ATF6: variants seen among roughly 807,000 people sequenced by gnomAD.
ATF6 encodes the protein activating transcription factor 6, also known as cyclic AMP-dependent transcription factor ATF-6 alpha.
In ATF6, 53 loss-of-function variants were observed where a neutral mutation model predicts 83.6. That is an observed-to-expected ratio of 0.63 (90% confidence interval 0.51 to 0.80). The LOEUF (loss-of-function observed/expected upper bound fraction) is 0.80, where lower values mean the gene tolerates loss of function less well. ATF6 is among the 30% of genes least tolerant of loss of function. ATF6 has a pLI of 0.00. For missense variants in ATF6, 744 were observed against 797.9 expected (o/e 0.93, Z 0.81); for synonymous variants, 288 against 285.8 (o/e 1.01, Z -0.08).
intron 6 of ATF6, among the ~76,000 whole-genome samples, chr1:161,799,330 C>G (rs1372354091): frequency 9.0e-4 from 137 of 152,274 alleles, no homozygotes; most frequent in Middle Eastern, 3.4e-3. Flanking sequence ...AATGCAGGAA[C>G]AGAAAACCAA....
At chr1:161,906,317 A>AC (rs1485149196) in intron 14 of ATF6, among the ~76,000 whole-genome samples, 1 of 152,180 alleles carries the variant, frequency 6.6e-6, no homozygotes, top group Non-Finnish European at 1.5e-5. Flanking sequence ...TTTGGATGCT[A>AC]CTGTCTTATC....
At chr1:161,833,586 G>A (rs1481794631) in intron 9 of ATF6, among the ~76,000 whole-genome samples, 3 of 152,170 alleles carry the variant, frequency 2.0e-5, no homozygotes, top group African/African-American at 7.2e-5. Context: ...TGAAAACCAT[G>A]GCACGAGAAC....
chr1:161,866,953 T>C (rs1177982984), intron 14 of ATF6, among the ~76,000 whole-genome samples: 1 of 152,134 alleles, frequency 6.6e-6, no homozygotes, highest in East Asian at 1.9e-4. Flanking sequence ...TCTCACTTTG[T>C]TGCCCAGGCT....
At chr1:161,805,161 G>C (rs1223811808) in intron 7 of ATF6, among the ~76,000 whole-genome samples, 1 of 151,360 alleles carries the variant, frequency 6.6e-6, no homozygotes, top group Non-Finnish European at 1.5e-5. Flanking sequence ...ATTCAGATGA[G>C]GTTAATTTTT....
rs924963896 is a variant in ATF6, at chr1:161,884,321, C to T, written c.1719+21009C>T. 3.3e-5 allele frequency among the ~76,000 whole-genome samples: 5 copies of T among 152,080 alleles called. 1 individual carries two copies. Among genetic ancestry groups the T allele is most frequent in the South Asian group, 4.2e-4 (2 of 4,816 alleles). ...AACACCTCTGCTTTAAGAAGATGAACGGTAGTGATAAATACAAAAACGTTA... is the reference window on the plus strand; with the variant it reads ...AACACCTCTGCTTTAAGAAGATGAATGGTAGTGATAAATACAAAAACGTTA... On this transcript the variant is annotated intron_variant, in intron 14 of 15. Coordinates refer to ENST00000367942, the MANE Select transcript of ATF6 (RefSeq NM_007348.4).
chr1:161,862,117 C>T (rs1423441631), intron 13 of ATF6, among the ~76,000 whole-genome samples: 2 of 152,114 alleles, frequency 1.3e-5, no homozygotes, highest in Non-Finnish European at 2.9e-5. Flanking sequence ...TGTATTTCCC[C>T]CAGGAGGATG....
chr1:161,836,443 A>G (rs1030120493), intron 9 of ATF6, among the ~76,000 whole-genome samples: 5 of 152,248 alleles, frequency 3.3e-5, no homozygotes, highest in African/African-American at 9.6e-5. Context: ...CACATTTATC[A>G]AAGTGACACA....
At chr1:161,827,843 TAAAC>T (rs1445511888) in intron 9 of ATF6, among the ~76,000 whole-genome samples, 1 of 151,986 alleles carries the variant, frequency 6.6e-6, no homozygotes, top group Non-Finnish European at 1.5e-5. Flanking sequence ...GAAAAAAAAA[TAAAC>T]TAAATGGACT....
intron 14 of ATF6, among the ~76,000 whole-genome samples, chr1:161,901,880 T>C (rs368006075): frequency 2.5e-4 from 38 of 152,296 alleles, no homozygotes; most frequent in African/African-American, 8.9e-4. Context: ...CATGCATGAT[T>C]TTGTAACATC....
chr1:161,893,311 C>T (rs977609436), intron 14 of ATF6, among the ~76,000 whole-genome samples: 1 of 151,936 alleles, frequency 6.6e-6, no homozygotes, highest in African/African-American at 2.4e-5. Flanking sequence ...GGATTACAGG[C>T]ATGTGACACC....
chr1:161,784,841 A>G (rs906245597), intron 4 of ATF6, among the ~76,000 whole-genome samples: 5 of 152,206 alleles, frequency 3.3e-5, no homozygotes, highest in Non-Finnish European at 7.3e-5. Flanking sequence ...ACCTGGATTA[A>G]GTCAATAGGA....
At chr1:161,931,428 T>C (rs910574976) in intron 15 of ATF6, among the ~76,000 whole-genome samples, 2 of 152,182 alleles carry the variant, frequency 1.3e-5, no homozygotes, top group African/African-American at 4.8e-5. Flanking sequence ...CGAAATAATA[T>C]ATATTTAAAC....
At chr1:161,848,725 A>G (rs1686540390) in intron 10 of ATF6, among the ~76,000 whole-genome samples, 5 of 152,108 alleles carry the variant, frequency 3.3e-5, no homozygotes, top group Non-Finnish European at 7.4e-5. Flanking sequence ...CATTAACTCT[A>G]GCTCCCTAGC....
At chr1:161,788,898 T>G (rs1230647108) in intron 4 of ATF6, among the ~76,000 whole-genome samples, 3 of 152,186 alleles carry the variant, frequency 2.0e-5, no homozygotes, top group Non-Finnish European at 4.4e-5. Flanking sequence ...TGTAGTTTTC[T>G]TCATATGGGT....
chr1:161,885,212 G>A (rs1263931983), intron 14 of ATF6, among the ~76,000 whole-genome samples: 1 of 152,064 alleles, frequency 6.6e-6, no homozygotes, highest in Non-Finnish European at 1.5e-5. Context: ...TTGAAATCTT[G>A]TATTTTTGCC....
rs750662887 is a variant in ATF6 at position 161,821,194 on chromosome 1, T to C, written c.1187+33T>C. On this transcript the variant is annotated intron_variant, in intron 9 of 15. Transcript: ENST00000367942. ...AATAGATATTTATTTTGGACACTAA[T>C]GCTAAAAACTTAAATTCTCATTATT... 3.6e-6 allele frequency: 5 copies of C among 1,398,716 alleles called. No individual in the cohort carries two copies. The African/African-American group carries it at 5.8e-5, about 16-fold the overall frequency. The allele number at this position is 1,398,716 out of a possible 1,614,324, so 86.6% of individuals were successfully genotyped here.
intron 7 of ATF6, among the ~76,000 whole-genome samples, chr1:161,818,361 A>G (rs1685667431): frequency 6.6e-6 from 1 of 152,260 alleles, no homozygotes; most frequent in African/African-American, 2.4e-5. Context: ...AACTTAATTT[A>G]GAAAACATAA....
intron 7 of ATF6, among the ~76,000 whole-genome samples, chr1:161,811,717 T>TATCCATCC (rs1244383260): frequency 6.7e-6 from 1 of 149,552 alleles, no homozygotes; most frequent in Non-Finnish European, 1.5e-5. Context: ...ATCCATCCAC[T>TATCCATCC]ATCCATCCAT....
chr1:161,766,885 C>CT (rs1684278456), intron 1 of ATF6, among the ~76,000 whole-genome samples: 2 of 152,214 alleles, frequency 1.3e-5, no homozygotes, highest in African/African-American at 4.8e-5. Context: ...TCTAATCTTA[C>CT]AGCTTTTACT....
Sources: gnomAD v4.1 joint callset for allele counts (sites outside exome capture counted in the v4.1 genomes callset) on GRCh38, gnomAD v4.1.1 for gene constraint, MANE v1.5 for transcripts, NCBI Gene and HGNC (gene_info 2026-07-23, HGNC 2026-07-21) for gene names.